Variants in APC observed in about 807,000 individuals in gnomAD.
The protein encoded by APC is APC regulator of Wnt signaling pathway, also known as adenomatous polyposis coli protein.
In APC, 72 loss-of-function variants were observed where a neutral mutation model predicts 247.0. The observed-to-expected ratio is 0.29, with a 90% CI of 0.24 to 0.35. The LOEUF is 0.35. APC is among the 10% of genes least tolerant of loss of function. APC has a pLI of 1.00. For synonymous variants in APC, 1,254 were observed against 1,162.5 expected, an observed-to-expected ratio of 1.08 and a Z score of -1.60; for missense variants, 3,400 against 3,360.7, an observed-to-expected ratio of 1.01 and a Z score of -0.29.
intron 8 of APC, among the ~76,000 whole-genome samples, chr5:112,803,581 C>A (rs1015599277): frequency 1.3e-5 from 2 of 152,114 alleles, no homozygotes; most frequent in African/African-American, 4.8e-5. Flanking sequence ...ATGCAAGATA[C>A]CCTTAACACA....
chr5:112,841,000 G>A lies in APC; in HGVS notation c.5406G>A (p.Glu1802=), dbSNP rs1060503349. The A allele has an allele frequency of 6.2e-7, 1 of 1,612,066 alleles. No homozygotes were observed. Among genetic ancestry groups the A allele is most frequent in the Admixed American group, 1.7e-5 (1 of 59,950 alleles). Residue 1802 remains glutamate, a synonymous_variant, in exon 16 of 16, where the codon GAG becomes GAA. Transcript: ENST00000257430. The surrounding 1 kb of genome is among the most constrained non-coding windows in gnomAD (Gnocchi z 4.1). ...NADSKNNLNA[E]RVFSDNKDSK... is the part of the protein sequence containing the mutation. ...ACTCAAAAAATAATTTAAATGCTGA[G>A]AGAGTTTTCTCAGACAACAAAGATT...
intron 8 of APC, among the ~76,000 whole-genome samples, chr5:112,812,896 A>G (rs962982787): frequency 1.3e-5 from 2 of 152,200 alleles, no homozygotes; most frequent in Non-Finnish European, 2.9e-5. Flanking sequence ...GGCAGTGGAA[A>G]GAGATGTAAG....
chr5:112,817,371 C>A (rs1193746548), intron 9 of APC, among the ~76,000 whole-genome samples: 1 of 152,098 alleles, frequency 6.6e-6, no homozygotes, highest in Non-Finnish European at 1.5e-5. Context: ...TTAGAATAAT[C>A]AATGATATTC....
chr5:112,723,378 C>G (rs1751592357), intron 1 of APC, among the ~76,000 whole-genome samples: 1 of 152,028 alleles, frequency 6.6e-6, no homozygotes, highest in Admixed American at 6.6e-5. Context: ...GGGAGAATTG[C>G]TTGAGCCTGT....
At chr5:112,814,896 A>C (rs573018300) in intron 8 of APC, among the ~76,000 whole-genome samples, 6 of 152,292 alleles carry the variant, frequency 3.9e-5, no homozygotes, top group Non-Finnish European at 5.9e-5. Flanking sequence ...CAAAATGCCT[A>C]CCTTAAATGT....
chr5:112,719,451 G>C (rs1751361294), intron 1 of APC, among the ~76,000 whole-genome samples: 1 of 151,402 alleles, frequency 6.6e-6, no homozygotes, highest in South Asian at 2.1e-4. Context: ...TGGAACTCCT[G>C]ACCTCAAATG....
chr5:112,783,848 G>A, intron 6 of APC: 2 of 325,104 alleles, frequency 6.2e-6, no homozygotes, highest in Non-Finnish European at 1.2e-5. Context: ...ATAGTCAGAA[G>A]ATGTGAATAG....
chr5:112,819,288 C>G lies in APC; in HGVS notation c.1256C>G (p.Thr419Ser), dbSNP rs2149783332. Reference protein sequence around the residue: ...LLEQIRAYCETCWEWQEAHEP... With the variant: ...LLEQIRAYCESCWEWQEAHEP... Reference sequence around the variant, plus strand: ...GAACAGATACGCGCTTACTGTGAAACCTGTTGGGAGTGGCAGGAAGCTCAT... The same window carrying G: ...GAACAGATACGCGCTTACTGTGAAAGCTGTTGGGAGTGGCAGGAAGCTCAT... The change falls in exon 10 of 16, where the codon ACC becomes AGC. Residue 419 changes from threonine to serine, a missense_variant. By Grantham distance (58) the Thr-to-Ser change is moderately conservative (BLOSUM62 1). Around this residue, in one of 9 missense-constraint regions of APC, gnomAD observed 199 missense variants for 212.5 expected, o/e 0.94. Coordinates refer to ENST00000257430, the MANE Select transcript of APC (RefSeq NM_000038.6). The G allele has an allele frequency of 6.2e-7, 1 of 1,614,016 alleles. No individual in the cohort carries two copies. Among genetic ancestry groups the G allele is most frequent in the Non-Finnish European group, 8.5e-7 (1 of 1,179,964 alleles).
chr5:112,743,287 G>T lies in APC; in HGVS notation c.-19+5362G>T, dbSNP rs531622376. On this transcript the variant is annotated intron_variant, in intron 1 of 15. Transcript: ENST00000257430. ...CCACCCAGATAATCCAGGAAAATCA[G>T]CTTCAAGATCTTTAACTTAATCACA... Among the ~76,000 whole-genome samples the T allele has an allele frequency of 4.3e-4, 65 of 152,238 alleles. 1 individual carries two copies. Among genetic ancestry groups the T allele is most frequent in the Middle Eastern group, 3.4e-3 (1 of 292 alleles).
At chr5:112,784,121 G>A (rs1031514651) in intron 6 of APC, among the ~76,000 whole-genome samples, 3 of 152,148 alleles carry the variant, frequency 2.0e-5, no homozygotes, top group African/African-American at 7.2e-5. Flanking sequence ...AGGCTGGAGT[G>A]CAGTGGTTTG....
At chr5:112,791,239 T>C (rs1186979578) in intron 6 of APC, among the ~76,000 whole-genome samples, 1 of 152,146 alleles carries the variant, frequency 6.6e-6, no homozygotes, top group Non-Finnish European at 1.5e-5. Context: ...TTGTGACCAG[T>C]TGATGGTCTC....
chr5:112,824,140 TCTA>T (rs1325069236), intron 11 of APC, among the ~76,000 whole-genome samples: 2 of 152,242 alleles, frequency 1.3e-5, no homozygotes, highest in East Asian at 3.8e-4. Context: ...CTGTTGGTGC[TCTA>T]CTATCGGTAG....
intron 8 of APC, among the ~76,000 whole-genome samples, chr5:112,803,807 A>G (rs1376646033): frequency 6.6e-6 from 1 of 152,210 alleles, no homozygotes; most frequent in Non-Finnish European, 1.5e-5. Flanking sequence ...TTATGTAAAG[A>G]TCTAATTTTT....
chr5:112,827,917 T>C lies in APC; in HGVS notation c.1549-12T>C, dbSNP rs2149813051. The C allele has an allele frequency of 1.2e-6, 2 of 1,610,882 alleles. No individual in the cohort carries two copies. The highest frequency in any genetic ancestry group is 8.5e-7 in the Non-Finnish European group (1 of 1,177,642). ...CTTTTTAATGATCCTCTATTCTGTA[T>C]TTAATTTACAGGCTACGCTATGCTC... On this transcript the variant is annotated splice_polypyrimidine_tract_variant and intron_variant, in intron 12 of 15. Coordinates refer to ENST00000257430, the MANE Select transcript of APC (RefSeq NM_000038.6).
rs1554088788 is a variant in APC at position 112,843,551 on chromosome 5, A to G, written c.7957A>G (p.Lys2653Glu). The change falls in exon 16 of 16, where the codon AAA (lysine) becomes GAA (glutamate). Residue 2653 changes from lysine to glutamate, a missense_variant. Physicochemically the swap from Lys to Glu is moderately conservative, Grantham distance 56 (BLOSUM62 1). Coordinates refer to ENST00000257430, the MANE Select transcript of APC (RefSeq NM_000038.6). The surrounding 1 kb of genome is among the most constrained non-coding windows in gnomAD (Gnocchi z 4.8). ...TTATCAAATGGCACCTGCTGTTTCT[A>G]AAACAGAGGATGTTTGGGTGAGAAT... ...LIYQMAPAVS[K>E]TEDVWVRIED... 4 of 1,613,928 alleles carry G rather than the reference A, an allele frequency of 2.5e-6. No homozygotes were observed. The highest frequency in any genetic ancestry group is 2.5e-6 in the Non-Finnish European group (3 of 1,179,814).
At chr5:112,765,072 T>G (rs979854525) in intron 2 of APC, among the ~76,000 whole-genome samples, 1 of 152,166 alleles carries the variant, frequency 6.6e-6, no homozygotes, top group African/African-American at 2.4e-5. Flanking sequence ...TAAGGCTATT[T>G]ATTAAAAGGA....
rs1345087431 is a variant in APC at position 112,846,050 on chromosome 5, TGACTTGAGCTAA to T, written c.*1927_*1938del. On this transcript the variant is annotated 3_prime_UTR_variant, in exon 16 of 16. Coordinates refer to ENST00000257430, the MANE Select transcript of APC (RefSeq NM_000038.6). ...AAAATGCCAGTAAATAAAAGTGCTATGACTTGAGCTAAGATATTTGACTCCAATGCCTGTACT... is the reference window on the plus strand; with the variant it reads ...AAAATGCCAGTAAATAAAAGTGCTATGATATTTGACTCCAATGCCTGTACT... The T allele has an allele frequency of 4.3e-6, 1 of 232,152 alleles. No individual in the cohort carries two copies. Among genetic ancestry groups the T allele is most frequent in the Non-Finnish European group, 8.5e-6 (1 of 117,480 alleles). The allele number at this position is 232,152 out of a possible 1,614,324, so 14.4% of individuals were successfully genotyped here.
At chr5:112,834,430 A>G (rs2149838944) in intron 14 of APC, among the ~76,000 whole-genome samples, 1 of 150,428 alleles carries the variant, frequency 6.6e-6, no homozygotes, top group South Asian at 2.1e-4. Context: ...ATTTTTGTAG[A>G]GACGGGGTTT....
chr5:112,802,493 G>T lies in APC; in HGVS notation c.834+1110G>T, dbSNP rs369619873. Among the ~76,000 whole-genome samples the T allele has an allele frequency of 1.1e-4, 16 of 152,104 alleles. No individual in the cohort carries two copies. The South Asian group carries it at 2.5e-3, about 24-fold the overall frequency. The stretch of plus-strand genomic sequence containing the variant: ...ATGACAGAAAAAAATATTTACATAG[G>T]AATAGATCTACTCGTAGTGCTTTGG... On this transcript the variant is annotated intron_variant, in intron 8 of 15. Transcript: ENST00000257430.
Sources: gnomAD v4.1 joint callset for allele counts (sites outside exome capture counted in the v4.1 genomes callset) on GRCh38, gnomAD v4.1.1 for gene constraint, gnomAD v4.1.1 regional missense constraint, Gnocchi (gnomAD v3.1) non-coding constraint, MANE v1.5 for transcripts, NCBI Gene and HGNC (gene_info 2026-07-23, HGNC 2026-07-21) for gene names.